SERGEF: variants seen among roughly 807,000 people sequenced by gnomAD.
The protein encoded by SERGEF is secretion regulating guanine nucleotide exchange factor, also known as secretion-regulating guanine nucleotide exchange factor.
In SERGEF, 51 loss-of-function variants were observed where a neutral mutation model predicts 50.0. The ratio of observed to expected loss-of-function variants is 1.02; its 90% confidence interval spans 0.81 to 1.29. The LOEUF (loss-of-function observed/expected upper bound fraction) is 1.29. Among genes scored for constraint, SERGEF ranks in the 50% most tolerant of loss-of-function variants. The pLI, the probability that SERGEF is intolerant of heterozygous loss-of-function variation, is 0.00. For synonymous variants in SERGEF, 205 were observed against 212.4 expected (o/e 0.97, Z 0.30); for missense variants, 521 against 557.0 (o/e 0.94, Z 0.65).
rs1019873766 is a variant in SERGEF, at chr11:17,910,842, T to C, written c.1012-32598A>G. On this transcript the variant is annotated intron_variant, in intron 9 of 10. Coordinates refer to ENST00000265965, the MANE Select transcript of SERGEF (RefSeq NM_012139.4). ...AATCTGGCTGTGAATCAGTAACAAA[T>C]ACGCTAATACAAAGCATCAGTGCTG... Among the ~76,000 whole-genome samples the C allele has an allele frequency of 2.0e-5, 3 of 151,216 alleles. No homozygotes were observed. In the South Asian group the frequency reaches 6.2e-4, roughly 31 times the overall value.
intron 9 of SERGEF, among the ~76,000 whole-genome samples, chr11:17,943,990 C>T (rs1004565899): frequency 2.0e-5 from 3 of 152,248 alleles, no homozygotes; most frequent in Non-Finnish European, 2.9e-5. Flanking sequence ...TGCAGTGGTG[C>T]GATCTCAGCT....
intron 1 of SERGEF, 54 bp downstream of exon 1, chr11:18,012,897 C>T (rs1854228885): frequency 6.5e-7 from 1 of 1,535,512 alleles, no homozygotes; most frequent in African/African-American, 1.4e-5. Flanking sequence ...CCAGCAGCTC[C>T]CACATCTCGG....
chr11:17,918,660 ACACTCT>A (rs1852094844), intron 9 of SERGEF: 1 of 447,182 alleles, frequency 2.2e-6, no homozygotes, highest in Non-Finnish European at 4.5e-6. Flanking sequence ...ACATACACAC[ACACTCT>A]CTCTCTCTCT....
At chr11:17,976,152 C>T (rs1053115673) in intron 8 of SERGEF, among the ~76,000 whole-genome samples, 8 of 152,110 alleles carry the variant, frequency 5.3e-5, no homozygotes, top group Non-Finnish European at 1.0e-4. Context: ...GTTCTTTTGG[C>T]CACATTAAGC....
chr11:17,795,649 CA>C (rs1565169393), intron 10 of SERGEF, among the ~76,000 whole-genome samples: 1 of 152,226 alleles, frequency 6.6e-6, no homozygotes, highest in Non-Finnish European at 1.5e-5. Context: ...TCCCCGAATT[CA>C]CCCAGGCTGT....
chr11:17,907,832 A>G (rs1851878310), intron 9 of SERGEF, among the ~76,000 whole-genome samples: 1 of 152,172 alleles, frequency 6.6e-6, no homozygotes, highest in South Asian at 2.1e-4. Flanking sequence ...GGAAACAAAC[A>G]TCAGGTTTCT....
chr11:17,941,202 A>C (rs999974535), intron 9 of SERGEF, among the ~76,000 whole-genome samples: 1 of 152,220 alleles, frequency 6.6e-6, no homozygotes, highest in Non-Finnish European at 1.5e-5. Flanking sequence ...TCTTTCCTCC[A>C]ATTTTTAAAA....
intron 5 of SERGEF, chr11:17,999,637 T>G (rs991352601): frequency 2.2e-5 from 10 of 446,582 alleles, no homozygotes; most frequent in African/African-American, 2.0e-4. Flanking sequence ...GTCACCATTC[T>G]CCCACACGCC....
chr11:17,822,624 T>A (rs1385689952), intron 10 of SERGEF, among the ~76,000 whole-genome samples: 14 of 152,084 alleles, frequency 9.2e-5, no homozygotes, highest in Admixed American at 7.9e-4. Flanking sequence ...ATTTGAACAA[T>A]AACGTGTGAA....
At chr11:18,001,968 C>T (rs962610129) in intron 4 of SERGEF, 15 of 456,148 alleles carry the variant, frequency 3.3e-5, no homozygotes, top group African/African-American at 2.8e-4. Context: ...GGCCTAAGCA[C>T]CAAATCCACA....
intron 10 of SERGEF, among the ~76,000 whole-genome samples, chr11:17,798,790 T>C (rs955871641): frequency 2.6e-5 from 4 of 152,222 alleles, no homozygotes; most frequent in South Asian, 2.1e-4. Flanking sequence ...TGATCACATA[T>C]GGCGTTATGG....
intron 10 of SERGEF, among the ~76,000 whole-genome samples, chr11:17,819,439 C>T (rs1277128984): frequency 2.0e-5 from 3 of 152,188 alleles, no homozygotes; most frequent in East Asian, 3.8e-4. Context: ...ACTCACTTTT[C>T]ATTTTTATCT....
chr11:17,898,119 T>C (rs1851680907), intron 9 of SERGEF, among the ~76,000 whole-genome samples: 1 of 152,178 alleles, frequency 6.6e-6, no homozygotes, highest in Non-Finnish European at 1.5e-5. Context: ...AAAAATATAT[T>C]TTAAATAAGT....
intron 8 of SERGEF, among the ~76,000 whole-genome samples, chr11:17,976,202 A>C (rs1038670508): frequency 1.3e-5 from 2 of 152,156 alleles, no homozygotes; most frequent in African/African-American, 4.8e-5. Flanking sequence ...ATTGGGCAAG[A>C]GTTGATTCCT....
In SERGEF at chr11:17,914,387, C is replaced by A. The variant is rs574477799; in HGVS notation, c.1012-36143G>T. 8.5e-5 allele frequency among the ~76,000 whole-genome samples: 13 copies of A among 152,180 alleles called. No homozygotes were observed. The South Asian group carries it at 2.5e-3, about 29-fold the overall frequency. ...TTAATGAATTTGGGGTAGGGCTTGG[C>A]AAGTAACATTTTTAATGTTTTTATT... On this transcript the variant is annotated intron_variant, in intron 9 of 10. Transcript: ENST00000265965.
At chr11:17,975,008 C>T (rs555270256) in intron 8 of SERGEF, among the ~76,000 whole-genome samples, 8 of 152,280 alleles carry the variant, frequency 5.3e-5, no homozygotes, top group Admixed American at 3.3e-4. Flanking sequence ...GTGGCCCAAA[C>T]AAAACTCAAT....
chr11:17,908,597 C>T (rs1851895880), intron 9 of SERGEF, among the ~76,000 whole-genome samples: 2 of 152,166 alleles, frequency 1.3e-5, no homozygotes, highest in South Asian at 2.1e-4. Flanking sequence ...CCTTGATCTC[C>T]TCAACCATAT....
At chr11:17,866,565 C>T (rs1328652262) in intron 10 of SERGEF, among the ~76,000 whole-genome samples, 1 of 152,158 alleles carries the variant, frequency 6.6e-6, no homozygotes, top group Non-Finnish European at 1.5e-5. Context: ...AGTCCAGTGG[C>T]AGGATCTTGG....
chr11:17,857,101 G>A (rs1422881565), intron 10 of SERGEF, among the ~76,000 whole-genome samples: 1 of 152,170 alleles, frequency 6.6e-6, no homozygotes, highest in East Asian at 1.9e-4. Context: ...GGCTCCTGAG[G>A]CCATGGACTG....
Sources: gnomAD v4.1 joint callset for allele counts (sites outside exome capture counted in the v4.1 genomes callset) on GRCh38, gnomAD v4.1.1 for gene constraint, MANE v1.5 for transcripts, NCBI Gene and HGNC (gene_info 2026-07-23, HGNC 2026-07-21) for gene names.